PTPN14: variants seen among roughly 807,000 people sequenced by gnomAD.
The protein encoded by PTPN14 is protein tyrosine phosphatase non-receptor type 14.
In PTPN14, 53 loss-of-function variants were observed where a neutral mutation model predicts 126.8. That is an observed-to-expected ratio of 0.42 (90% confidence interval 0.34 to 0.53). The LOEUF (loss-of-function observed/expected upper bound fraction) is 0.53. Ranked by LOEUF, PTPN14 falls within the 20% of genes least tolerant of loss-of-function variation. The pLI, the probability that PTPN14 is intolerant of heterozygous loss-of-function variation, is 0.08. For synonymous variants in PTPN14, 630 were observed against 599.3 expected, an observed-to-expected ratio of 1.05 and a Z score of -0.75; for missense variants, 1,257 against 1,552.9, an observed-to-expected ratio of 0.81 and a Z score of 3.20.
chr1:214,438,873 C>T (rs1277010490), intron 3 of PTPN14, among the ~76,000 whole-genome samples: 7 of 152,198 alleles, frequency 4.6e-5, no homozygotes, highest in Non-Finnish European at 7.3e-5. Context: ...TGAAGACCTA[C>T]TATATGCTAA....
intron 3 of PTPN14, among the ~76,000 whole-genome samples, chr1:214,441,513 T>G (rs1660035655): frequency 1.3e-5 from 2 of 152,194 alleles, no homozygotes; most frequent in South Asian, 2.1e-4. Flanking sequence ...AATGCTGATA[T>G]TCAGGAAAAA....
intron 13 of PTPN14, among the ~76,000 whole-genome samples, chr1:214,380,967 G>A (rs183744736): frequency 3.6e-4 from 55 of 151,744 alleles, no homozygotes; most frequent in Admixed American, 3.1e-3. Context: ...AGCAGATTTG[G>A]GGGAAAAAAA....
intron 3 of PTPN14, among the ~76,000 whole-genome samples, chr1:214,438,851 AC>A (rs983131742): frequency 2.6e-5 from 4 of 152,212 alleles, no homozygotes; most frequent in African/African-American, 7.2e-5. Context: ...TTTAAAAAAA[AC>A]AAATATTATT....
At chr1:214,489,134 T>G (rs1661177298) in intron 1 of PTPN14, among the ~76,000 whole-genome samples, 1 of 152,316 alleles carries the variant, frequency 6.6e-6, no homozygotes, top group Admixed American at 6.5e-5. Context: ...TAACCGCAGC[T>G]TCAAAGGACT....
chr1:214,508,341 C>T (rs1654892213), intron 1 of PTPN14, among the ~76,000 whole-genome samples: 1 of 152,164 alleles, frequency 6.6e-6, no homozygotes, highest in African/African-American at 2.4e-5. Flanking sequence ...CCTTTCTTGT[C>T]GTTTTAACAA....
chr1:214,385,764 G>T (rs1658594241), intron 12 of PTPN14, among the ~76,000 whole-genome samples: 1 of 152,206 alleles, frequency 6.6e-6, no homozygotes, highest in African/African-American at 2.4e-5. Flanking sequence ...GAAGAATGTG[G>T]AAAGAGATCT....
intron 1 of PTPN14, among the ~76,000 whole-genome samples, chr1:214,546,515 G>A (rs1424979977): frequency 1.3e-5 from 2 of 152,208 alleles, no homozygotes; most frequent in Admixed American, 1.3e-4. Flanking sequence ...AGGCAAAGTA[G>A]ATCAAGTCAG....
intron 16 of PTPN14, chr1:214,372,505 G>A: frequency 1.5e-6 from 1 of 674,082 alleles, no homozygotes. Flanking sequence ...ATGGGAGGAG[G>A]AAAAGCTACA....
chr1:214,396,105 G>C (rs1039397030), intron 8 of PTPN14, among the ~76,000 whole-genome samples: 48 of 152,120 alleles, frequency 3.2e-4, no homozygotes, highest in African/African-American at 1.2e-3. Context: ...CTGGCCCAGA[G>C]CACTCAATAA....
In PTPN14 at chr1:214,354,967, G is replaced by A. The variant is rs899983023; in HGVS notation, c.*2955C>T. ...TAAAGCATCTCTGGGCAATTATTAT[G>A]CAGATGCCACCGAAAGGACTTTAAA... On this transcript the variant is annotated 3_prime_UTR_variant, in exon 19 of 19. Transcript: ENST00000366956. 3.3e-5 allele frequency: 5 copies of A among 152,176 alleles called. No individual in the cohort carries two copies. The highest frequency in any genetic ancestry group is 1.2e-4 in the African/African-American group (5 of 41,446). 9.4% of individuals were successfully genotyped at this position (152,176 alleles called of 1,614,324 possible).
chr1:214,384,424 G>A lies in PTPN14; in HGVS notation c.1431C>T (p.Tyr477=), dbSNP rs752833625. ...TGTACACCAGATCCTCTGGCTGGTT[G>A]TAGGCATGGGTGTTGATAATGTTGA... The part of the protein sequence containing the change: ...RNLNIINTHA[Y]NQPEDLVYSQ... The change falls in exon 13 of 19, where the codon TAC becomes TAT. Residue 477 remains tyrosine (Y), a synonymous_variant. Coordinates refer to ENST00000366956, the MANE Select transcript of PTPN14 (RefSeq NM_005401.5). The surrounding 1 kb of genome is among the most constrained non-coding windows in gnomAD (Gnocchi z 5.3). The A allele has an allele frequency of 4.3e-6, 7 of 1,614,030 alleles. No individual in the cohort carries two copies. The highest frequency in any genetic ancestry group is 1.3e-5 in the African/African-American group (1 of 74,902).
At chr1:214,549,742 T>G (rs561639476) in intron 1 of PTPN14, among the ~76,000 whole-genome samples, 2 of 152,006 alleles carry the variant, frequency 1.3e-5, no homozygotes, top group Non-Finnish European at 2.9e-5. Flanking sequence ...CCAATTAAAA[T>G]GTAGATGATC....
At chr1:214,549,546 ATT>A in intron 1 of PTPN14, among the ~76,000 whole-genome samples, 1 of 152,308 alleles carries the variant, frequency 6.6e-6, no homozygotes. Context: ...TAAGGCTGTC[ATT>A]TCTATGGCAC....
chr1:214,434,678 T>C (rs1659872603), intron 3 of PTPN14, among the ~76,000 whole-genome samples: 2 of 152,080 alleles, frequency 1.3e-5, no homozygotes, highest in Non-Finnish European at 2.9e-5. Context: ...TTAAAGATAT[T>C]TGAAAATTAC....
At chr1:214,450,165 A>AAATAAAT (rs1558107723) in intron 3 of PTPN14, among the ~76,000 whole-genome samples, 1 of 72,668 alleles carries the variant, frequency 1.4e-5, no homozygotes, top group South Asian at 4.2e-4. Context: ...AATAAATAAA[A>AAATAAAT]GCCAAATTAA....
rs1657716944 is a variant in PTPN14, at chr1:214,351,969, T to C, written c.*5953A>G. The C allele has an allele frequency of 6.6e-6, 1 of 152,238 alleles. No individual in the cohort carries two copies. Among genetic ancestry groups the C allele is most frequent in the African/African-American group, 2.4e-5 (1 of 41,460 alleles). The allele number at this position is 152,238 out of a possible 1,614,324, so 9.4% of individuals were successfully genotyped here. A position where few individuals can be genotyped will look rare whatever the true frequency, so the allele number is the denominator to read the frequency against. On this transcript the variant is annotated 3_prime_UTR_variant, in exon 19 of 19. Coordinates refer to ENST00000366956, the MANE Select transcript of PTPN14 (RefSeq NM_005401.5). ...TTATAGAAACTTTTGAGCAAGTTTATGGCACTTCTGGGAAAGAATGATCCT... is the reference window on the plus strand; with the variant it reads ...TTATAGAAACTTTTGAGCAAGTTTACGGCACTTCTGGGAAAGAATGATCCT...
At chr1:214,533,268 G>A in intron 1 of PTPN14, 1 of 611,882 alleles carries the variant, frequency 1.6e-6, no homozygotes, top group South Asian at 1.5e-5. Flanking sequence ...AGGAGTGCGA[G>A]GCCCTGCTGA....
intron 1 of PTPN14, among the ~76,000 whole-genome samples, chr1:214,520,112 G>C (rs1248718711): frequency 7.1e-6 from 1 of 141,572 alleles, no homozygotes; most frequent in Non-Finnish European, 1.5e-5. Context: ...AGTCAGGTAT[G>C]AATCAGTCTG....
At chr1:214,365,326 G>C (rs1480875353) in intron 17 of PTPN14, among the ~76,000 whole-genome samples, 9 of 152,152 alleles carry the variant, frequency 5.9e-5, no homozygotes, top group Non-Finnish European at 1.3e-4. Context: ...ATGCCTTCTA[G>C]CATCTGCTTG....
Sources: allele counts gnomAD v4.1 joint callset (sites outside exome capture counted in the v4.1 genomes callset), GRCh38; gene constraint gnomAD v4.1.1; non-coding constraint Gnocchi (gnomAD v3.1); transcripts MANE v1.5; gene names NCBI Gene and HGNC (gene_info 2026-07-23, HGNC 2026-07-21).